Variants in UPF2 observed in about 807,000 individuals in gnomAD.
The protein encoded by UPF2 is UPF2 regulator of nonsense mediated mRNA decay.
In UPF2, 17 loss-of-function variants were observed where a neutral mutation model predicts 141.4. The ratio of observed to expected loss-of-function variants is 0.12; its 90% CI spans 0.08 to 0.18. The LOEUF is 0.18. Ranked by LOEUF, UPF2 falls within the 10% of genes least tolerant of loss-of-function variation. The pLI is 1.00. For missense variants in UPF2, 1,152 were observed against 1,515.9 expected, an observed-to-expected ratio of 0.76 and a Z score of 3.99; for synonymous variants, 540 against 498.0, an observed-to-expected ratio of 1.08 and a Z score of -1.12.
chr10:11,927,307 C>T (rs147951268), intron 21 of UPF2, among the ~76,000 whole-genome samples: 27 of 152,292 alleles, frequency 1.8e-4, no homozygotes, highest in African/African-American at 3.1e-4. Flanking sequence ...TATTCAGAGA[C>T]GTTAGGCTGC....
chr10:12,022,546 T>C (rs553970675), intron 3 of UPF2, among the ~76,000 whole-genome samples: 4 of 152,306 alleles, frequency 2.6e-5, no homozygotes, highest in South Asian at 2.1e-4. Context: ...AAATGGGTAC[T>C]ACTACTACAG....
At chr10:12,004,498 C>T (rs375091101) in intron 5 of UPF2, 32 bp downstream of exon 5, 1 of 1,542,940 alleles carries the variant, frequency 6.5e-7, no homozygotes, top group Non-Finnish European at 8.8e-7. Flanking sequence ...TCTTATAGCA[C>T]TTAATGTAAA....
At chr10:12,001,189 G>A (rs577396396) in intron 6 of UPF2, among the ~76,000 whole-genome samples, 16 of 152,116 alleles carry the variant, frequency 1.1e-4, no homozygotes, top group Non-Finnish European at 1.9e-4. Flanking sequence ...CAAGGCGGGC[G>A]GATCACCTGA....
At chr10:11,983,729 G>C (rs759475476) in intron 8 of UPF2, among the ~76,000 whole-genome samples, 2 of 151,822 alleles carry the variant, frequency 1.3e-5, no homozygotes, top group African/African-American at 4.8e-5. Flanking sequence ...TGTTTTACTT[G>C]GAATTTTTTT....
At chr10:12,040,448 CA>C (rs1834716331) in intron 1 of UPF2, among the ~76,000 whole-genome samples, 1 of 151,552 alleles carries the variant, frequency 6.6e-6, no homozygotes, top group African/African-American at 2.4e-5. Context: ...AAAAACAAAA[CA>C]AAAAAAAGGA....
At chr10:11,975,073 A>G (rs1040021096) in intron 9 of UPF2, among the ~76,000 whole-genome samples, 1 of 152,214 alleles carries the variant, frequency 6.6e-6, no homozygotes, top group Non-Finnish European at 1.5e-5. Context: ...TAAAATGTCA[A>G]TGACTGTAAT....
intron 18 of UPF2, among the ~76,000 whole-genome samples, chr10:11,937,842 T>A (rs1832873496): frequency 6.6e-6 from 1 of 152,234 alleles, no homozygotes; most frequent in Admixed American, 6.5e-5. Context: ...TATCATAATC[T>A]GCTTGAAGTC....
intron 5 of UPF2, 97 bp from the exon 6 acceptor site, chr10:12,001,922 T>C: frequency 8.7e-7 from 1 of 1,147,786 alleles, no homozygotes; most frequent in Non-Finnish European, 1.2e-6. Flanking sequence ...CAGGTTCTTT[T>C]AGAAGCTGCA....
chr10:11,923,460 A>G (rs1832671310), intron 21 of UPF2, among the ~76,000 whole-genome samples: 1 of 151,830 alleles, frequency 6.6e-6, no homozygotes, highest in Admixed American at 6.6e-5. Flanking sequence ...AGGAGGGTGG[A>G]TCATGAGGTC....
In UPF2 at chr10:11,991,933, G is replaced by A. The variant is rs577948999; in HGVS notation, c.1844+5739C>T. On this transcript the variant is annotated intron_variant, in intron 8 of 21. Coordinates refer to ENST00000357604, the MANE Select transcript of UPF2 (RefSeq NM_015542.4). ...GGCTGAGGTGAGCGGATCACCTGAG[G>A]TCCAGGGTTCAAGACCAGCCTGGCC... is the stretch of plus-strand genomic sequence containing the variant. 6.6e-5 allele frequency among the ~76,000 whole-genome samples: 10 copies of A among 152,280 alleles called. No homozygotes were observed. In the East Asian group the frequency reaches 1.9e-3, roughly 29 times the overall value.
At chr10:12,040,594 G>A (rs192736905) in intron 1 of UPF2, among the ~76,000 whole-genome samples, 2 of 150,666 alleles carry the variant, frequency 1.3e-5, no homozygotes, top group Non-Finnish European at 3.0e-5. Context: ...CTAAATTTCC[G>A]TAAACAAAAA....
At chr10:11,975,851 C>T (rs1325417641) in intron 9 of UPF2, among the ~76,000 whole-genome samples, 1 of 152,210 alleles carries the variant, frequency 6.6e-6, no homozygotes, top group Non-Finnish European at 1.5e-5. Flanking sequence ...ATTCAAATGG[C>T]TGTCCATCAT....
At chr10:11,987,894 T>G (rs534453359) in intron 8 of UPF2, among the ~76,000 whole-genome samples, 1 of 151,842 alleles carries the variant, frequency 6.6e-6, no homozygotes, top group South Asian at 2.1e-4. Flanking sequence ...AGATCAAACC[T>G]TTAAGAACTG....
intron 8 of UPF2, among the ~76,000 whole-genome samples, chr10:11,994,162 A>C (rs1308640661): frequency 6.6e-6 from 1 of 152,210 alleles, no homozygotes; most frequent in African/African-American, 2.4e-5. Context: ...AATAAATCTA[A>C]AAGCTGAGTT....
intron 3 of UPF2, among the ~76,000 whole-genome samples, chr10:12,017,730 C>A (rs911965307): frequency 2.0e-5 from 3 of 152,158 alleles, no homozygotes; most frequent in South Asian, 4.2e-4. Context: ...GCTCCATAAG[C>A]CTTTTACTCC....
intron 16 of UPF2, among the ~76,000 whole-genome samples, chr10:11,944,489 A>G (rs1832977243): frequency 6.6e-6 from 1 of 152,122 alleles, no homozygotes; most frequent in African/African-American, 2.4e-5. Flanking sequence ...GCGAGACTCC[A>G]TCCCCCACCA....
intron 16 of UPF2, among the ~76,000 whole-genome samples, chr10:11,947,062 C>A (rs1355101305): frequency 6.6e-6 from 1 of 152,144 alleles, no homozygotes; most frequent in Non-Finnish European, 1.5e-5. Flanking sequence ...ATTAGCTGGG[C>A]ATGGTGGCAC....
intron 1 of UPF2, among the ~76,000 whole-genome samples, chr10:12,037,457 G>GC (rs1823242941): frequency 6.9e-6 from 1 of 144,006 alleles, no homozygotes; most frequent in Non-Finnish European, 1.5e-5. Flanking sequence ...GTGCAGTGGT[G>GC]TGATCTCGGC....
intron 1 of UPF2, among the ~76,000 whole-genome samples, chr10:12,037,657 T>G (rs1323258627): frequency 6.6e-6 from 1 of 152,110 alleles, no homozygotes; most frequent in Non-Finnish European, 1.5e-5. Context: ...CCTCCCAAAG[T>G]GCAGGATTAC....
Sources: gnomAD v4.1 joint callset for allele counts (sites outside exome capture counted in the v4.1 genomes callset) on GRCh38, gnomAD v4.1.1 for gene constraint, MANE v1.5 for transcripts, NCBI Gene and HGNC (gene_info 2026-07-23, HGNC 2026-07-21) for gene names.